SYT1: variants seen among roughly 807,000 people sequenced by gnomAD.
The protein encoded by SYT1 is synaptotagmin-1.
SYT1 carries 8 observed loss-of-function variants against 44.8 expected under a neutral mutation model. That is an observed-to-expected ratio of 0.18 (90% confidence interval 0.10 to 0.32). The LOEUF is 0.32. Ranked by LOEUF, SYT1 falls within the 10% of genes least tolerant of loss-of-function variation. The pLI, the probability that SYT1 is intolerant of heterozygous loss-of-function variation, is 1.00. For missense variants in SYT1, 286 were observed against 509.3 expected (o/e 0.56, Z 4.22); for synonymous variants, 154 against 188.8 (o/e 0.82, Z 1.51).
chr12:79,366,744 A>G (rs1883558880), intron 9 of SYT1, among the ~76,000 whole-genome samples: 1 of 152,242 alleles, frequency 6.6e-6, no homozygotes, highest in African/African-American at 2.4e-5. Context: ...AACAAATGAG[A>G]TAACATTAGG....
chr12:79,204,971 T>TG (rs1874023720), intron 3 of SYT1, among the ~76,000 whole-genome samples: 2 of 79,792 alleles, frequency 2.5e-5, no homozygotes, highest in Admixed American at 2.4e-4. Flanking sequence ...TTTTTTTTTT[T>TG]TTTTTTTTTT....
At chr12:79,247,849 A>G (rs1876947018) in intron 4 of SYT1, among the ~76,000 whole-genome samples, 1 of 152,252 alleles carries the variant, frequency 6.6e-6, no homozygotes, top group East Asian at 1.9e-4. Context: ...AGCTATAGTG[A>G]AAATCTAGGA....
At chr12:78,975,968 A>G (rs983387449) in intron 1 of SYT1, among the ~76,000 whole-genome samples, 2 of 152,196 alleles carry the variant, frequency 1.3e-5, no homozygotes, top group East Asian at 1.9e-4. Context: ...TTGTTTAATC[A>G]TCTCATGCTC....
intron 3 of SYT1, among the ~76,000 whole-genome samples, chr12:79,062,193 T>C (rs997333430): frequency 1.3e-5 from 2 of 152,152 alleles, no homozygotes; most frequent in African/African-American, 2.4e-5. Context: ...CCTAGGTCTA[T>C]GTAGCTTTAA....
chr12:78,886,164 A>G (rs1296139840), intron 1 of SYT1, among the ~76,000 whole-genome samples: 1 of 151,956 alleles, frequency 6.6e-6, no homozygotes, highest in Non-Finnish European at 1.5e-5. Flanking sequence ...ACTTCAAGGC[A>G]TCTAGGAAAA....
At chr12:79,112,908 C>G (rs1055707318) in intron 3 of SYT1, among the ~76,000 whole-genome samples, 1 of 151,998 alleles carries the variant, frequency 6.6e-6, no homozygotes, top group African/African-American at 2.4e-5. Context: ...TTACAGGTGA[C>G]ATCTAAACTG....
At chr12:79,121,093 A>AAT (rs141528879) in intron 3 of SYT1, among the ~76,000 whole-genome samples, 1 of 151,920 alleles carries the variant, frequency 6.6e-6, no homozygotes, top group Non-Finnish European at 1.5e-5. Flanking sequence ...ATGTAACCTG[A>AAT]ATATATATAT....
At chr12:79,343,532 G>A (rs1288804698) in intron 8 of SYT1, among the ~76,000 whole-genome samples, 1 of 152,208 alleles carries the variant, frequency 6.6e-6, no homozygotes, top group Admixed American at 6.5e-5. Flanking sequence ...TAGGTAATAA[G>A]AAGCAGACTT....
chr12:79,093,293 A>G (rs1686553090), intron 3 of SYT1, among the ~76,000 whole-genome samples: 2 of 151,778 alleles, frequency 1.3e-5, no homozygotes, highest in Admixed American at 6.6e-5. Flanking sequence ...TCGATCAAAA[A>G]TAAGATCACA....
At chr12:79,345,071 C>G (rs1882545855) in intron 8 of SYT1, among the ~76,000 whole-genome samples, 1 of 152,120 alleles carries the variant, frequency 6.6e-6, no homozygotes, top group East Asian at 1.9e-4. Flanking sequence ...CAGGGTTCAT[C>G]CTGACTTCCT....
Position 79,377,707 on chromosome 12 carries a change from G to T in SYT1, c.928+24088G>T, listed in dbSNP as rs1407715188. ...TTGTCTTTGTTGTATAAACAACTTAGCTTCCCTTTCTCCCTTTTGTTCTAG... is the reference window on the plus strand; with the variant it reads ...TTGTCTTTGTTGTATAAACAACTTATCTTCCCTTTCTCCCTTTTGTTCTAG... On this transcript the variant is annotated intron_variant, in intron 9 of 10. Coordinates refer to ENST00000261205, the MANE Select transcript of SYT1 (RefSeq NM_005639.3). 2.0e-5 allele frequency among the ~76,000 whole-genome samples: 3 copies of T among 152,230 alleles called. No individual in the cohort carries two copies. In the East Asian group the frequency reaches 5.8e-4, roughly 29 times the overall value.
chr12:79,353,989 G>A (rs1241406129), intron 9 of SYT1, among the ~76,000 whole-genome samples: 1 of 152,144 alleles, frequency 6.6e-6, no homozygotes, highest in Non-Finnish European at 1.5e-5. Flanking sequence ...AAAAAACAAT[G>A]TTTTCCATGA....
At chr12:78,895,726 A>G (rs1335132016) in intron 1 of SYT1, among the ~76,000 whole-genome samples, 1 of 151,864 alleles carries the variant, frequency 6.6e-6, no homozygotes, top group Admixed American at 6.6e-5. Flanking sequence ...GACAATAAAA[A>G]GTGCAAAAGT....
chr12:79,188,993 AGCTC>A (rs1872959043), intron 3 of SYT1, among the ~76,000 whole-genome samples: 1 of 152,046 alleles, frequency 6.6e-6, no homozygotes, highest in Non-Finnish European at 1.5e-5. Context: ...CTCTGAAAGT[AGCTC>A]TTTCTCAGTC....
chr12:78,968,700 A>C (rs999275492), intron 1 of SYT1, among the ~76,000 whole-genome samples: 1 of 152,182 alleles, frequency 6.6e-6, no homozygotes, highest in Non-Finnish European at 1.5e-5. Flanking sequence ...AGTGTACTTC[A>C]ACAATTAAGC....
intron 9 of SYT1, among the ~76,000 whole-genome samples, chr12:79,415,460 C>G (rs1027815799): frequency 1.3e-5 from 2 of 152,128 alleles, no homozygotes; most frequent in African/African-American, 4.8e-5. Flanking sequence ...TTGTTCATAT[C>G]AAAGAAAGGA....
In SYT1 at chr12:79,106,760, T is replaced by A. The variant is rs551015226; in HGVS notation, c.-18+59398T>A. 2.0e-5 allele frequency among the ~76,000 whole-genome samples: 3 copies of A among 152,190 alleles called. No individual in the cohort carries two copies. The East Asian group carries it at 5.8e-4, about 29-fold the overall frequency. The stretch of plus-strand genomic sequence containing the variant: ...AATAGCTAAAGGTGATGAAATTGTT[T>A]CTTCTTTAAATGACTCTAGTCTTAT... On this transcript the variant is annotated intron_variant, in intron 3 of 10. Transcript: ENST00000261205.
At chr12:78,941,044 ACTTTTTTTTT>A (rs557804959) in intron 1 of SYT1, among the ~76,000 whole-genome samples, 19,286 of 121,212 alleles carry the variant, frequency 0.16, 1,853 homozygotes, top group South Asian at 0.36. Flanking sequence ...TCTTTTCTTT[ACTTTTTTTTT>A]CTTTTTTTTT....
intron 1 of SYT1, among the ~76,000 whole-genome samples, chr12:78,966,888 C>A (rs1052429100): frequency 1.3e-5 from 2 of 152,122 alleles, no homozygotes; most frequent in Non-Finnish European, 2.9e-5. Context: ...TCAATATATG[C>A]TGCTAAACTC....
Sources: gnomAD v4.1 joint callset for allele counts (sites outside exome capture counted in the v4.1 genomes callset) on GRCh38, gnomAD v4.1.1 for gene constraint, MANE v1.5 for transcripts, NCBI Gene and HGNC (gene_info 2026-07-23, HGNC 2026-07-21) for gene names.